The following NXPE2 variants were observed in gnomAD, a reference collection of about 807,000 sequenced individuals.
The protein encoded by NXPE2 is neurexophilin and PC-esterase domain family member 2.
NXPE2 carries 34 observed loss-of-function variants against 34.4 expected under a neutral mutation model. That is an observed-to-expected ratio of 0.99 (90% CI 0.75 to 1.31). The LOEUF (loss-of-function observed/expected upper bound fraction) is 1.31. Ranked by LOEUF, NXPE2 falls within the 40% of genes most tolerant of loss-of-function variation. The pLI is 0.00. For synonymous variants in NXPE2, 235 were observed against 231.3 expected (o/e 1.02, Z -0.15); for missense variants, 649 against 672.5 (o/e 0.97, Z 0.39).
the NXPE2 span, among the ~76,000 whole-genome samples, chr11:114,585,296 T>C: frequency 2.0e-5 from 3 of 151,890 alleles, no homozygotes; most frequent in Admixed American, 2.0e-4. Context: ...TGTAATAAAA[T>C]GGTATATTTC....
chr11:114,628,160 C>T, the NXPE2 span, among the ~76,000 whole-genome samples: 2 of 143,834 alleles, frequency 1.4e-5, no homozygotes, highest in South Asian at 4.7e-4. Context: ...CAGCTCTGCA[C>T]CAAGTGGACC....
the NXPE2 span, among the ~76,000 whole-genome samples, chr11:114,612,839 T>A: frequency 6.6e-6 from 1 of 151,844 alleles, no homozygotes. Flanking sequence ...GGATAGTAAG[T>A]ATTGCCTTGT....
the NXPE2 span, chr11:114,551,268 CAT>C: frequency 5.3e-6 from 7 of 1,312,910 alleles, no homozygotes; most frequent in Non-Finnish European, 7.2e-6. Flanking sequence ...TGTACTCACT[CAT>C]TATTTTATTT....
At chr11:114,779,290 TCA>T in the NXPE2 span, among the ~76,000 whole-genome samples, 1 of 146,154 alleles carries the variant, frequency 6.8e-6, no homozygotes, top group Admixed American at 6.8e-5. Flanking sequence ...TTTCCAGCTA[TCA>T]CACAGTCAAG....
the NXPE2 span, among the ~76,000 whole-genome samples, chr11:114,516,678 T>G: frequency 3.9e-5 from 6 of 152,186 alleles, no homozygotes; most frequent in African/African-American, 1.4e-4. Context: ...ACAAATCATC[T>G]TATCTGAAAA....
the NXPE2 span, among the ~76,000 whole-genome samples, chr11:114,592,776 A>C: frequency 6.6e-6 from 1 of 152,174 alleles, no homozygotes; most frequent in Non-Finnish European, 1.5e-5. Flanking sequence ...CTGACTTCAA[A>C]ATATACTACA....
chr11:114,536,147 T>A, the NXPE2 span, among the ~76,000 whole-genome samples: 1 of 152,070 alleles, frequency 6.6e-6, no homozygotes, highest in Non-Finnish European at 1.5e-5. Flanking sequence ...ACCCCTCAAC[T>A]ACATGGAAAC....
At chr11:114,594,489 CA>C in the NXPE2 span, among the ~76,000 whole-genome samples, 3 of 152,144 alleles carry the variant, frequency 2.0e-5, no homozygotes, top group Admixed American at 6.5e-5. Context: ...AACACACACA[CA>C]GTATTTATCC....
the NXPE2 span, among the ~76,000 whole-genome samples, chr11:114,617,776 T>C: frequency 6.6e-6 from 1 of 152,136 alleles, no homozygotes; most frequent in African/African-American, 2.4e-5. Flanking sequence ...TAATAAGTGT[T>C]GCCTTGTGGG....
the NXPE2 span, among the ~76,000 whole-genome samples, chr11:114,810,004 T>C: frequency 2.0e-5 from 3 of 150,216 alleles, no homozygotes; most frequent in Non-Finnish European, 2.9e-5. Context: ...TATAGACCAA[T>C]GGAACAGAAC....
At chr11:114,487,032 A>G in the NXPE2 span, among the ~76,000 whole-genome samples, 2 of 152,052 alleles carry the variant, frequency 1.3e-5, no homozygotes, top group African/African-American at 2.4e-5. Context: ...ATTTCTGTGA[A>G]GAATATTATT....
the NXPE2 span, among the ~76,000 whole-genome samples, chr11:114,793,231 C>A: frequency 1.3e-5 from 2 of 152,130 alleles, no homozygotes; most frequent in Non-Finnish European, 2.9e-5. Context: ...TAGCTGATTG[C>A]TTCAATTTTC....
the NXPE2 span, among the ~76,000 whole-genome samples, chr11:114,594,285 C>T: frequency 6.6e-6 from 1 of 152,122 alleles, no homozygotes. Context: ...CAAAATATCT[C>T]ATCTACCCCA....
the NXPE2 span, among the ~76,000 whole-genome samples, chr11:114,734,977 G>A: frequency 6.6e-6 from 1 of 152,194 alleles, no homozygotes; most frequent in Admixed American, 6.5e-5. Context: ...GGGCATGGTG[G>A]TGGGTGCCTG....
At chr11:114,800,523 A>C in the NXPE2 span, among the ~76,000 whole-genome samples, 1 of 152,190 alleles carries the variant, frequency 6.6e-6, no homozygotes, top group Non-Finnish European at 1.5e-5. Flanking sequence ...TGTTGTTAGC[A>C]GTGAAGTTTC....
chr11:114,788,425 C>A, the NXPE2 span, among the ~76,000 whole-genome samples: 3 of 152,150 alleles, frequency 2.0e-5, no homozygotes, highest in African/African-American at 7.2e-5. Context: ...ACGCCTGTGG[C>A]CCAAAGGAGC....
chr11:114,707,689 C>T (rs1422470758), downstream of NXPE2: 1 of 161,646 alleles, frequency 6.2e-6, no homozygotes, highest in Non-Finnish European at 1.4e-5. Flanking sequence ...TAAACAATAA[C>T]TCCCCATTCG....
chr11:114,655,247 G>C, the NXPE2 span, among the ~76,000 whole-genome samples: 1 of 152,120 alleles, frequency 6.6e-6, no homozygotes, highest in African/African-American at 2.4e-5. Flanking sequence ...TGGGTAGATT[G>C]CAAAAATTTT....
At chr11:114,775,883 A>AC in the NXPE2 span, among the ~76,000 whole-genome samples, 2 of 147,060 alleles carry the variant, frequency 1.4e-5, no homozygotes, top group Non-Finnish European at 3.0e-5. Context: ...AAAAAACGAA[A>AC]AAAAAAAACA....
Sources: gnomAD v4.1 joint callset for allele counts (sites outside exome capture counted in the v4.1 genomes callset) on GRCh38, gnomAD v4.1.1 for gene constraint, MANE v1.5 for transcripts, NCBI Gene and HGNC (gene_info 2026-07-23, HGNC 2026-07-21) for gene names.